Variants in SLC7A5 observed in about 807,000 individuals in gnomAD.
SLC7A5 encodes the protein large neutral amino acids transporter small subunit 1.
SLC7A5 carries 23 observed loss-of-function variants against 50.2 expected under a neutral mutation model. That is an observed-to-expected ratio of 0.46 (90% confidence interval 0.33 to 0.65). The LOEUF is 0.65. Among genes scored for constraint, SLC7A5 ranks in the 30% least tolerant of loss-of-function variants. The pLI is 0.02. For synonymous variants in SLC7A5, 393 were observed against 330.6 expected (o/e 1.19, Z -2.05); for missense variants, 578 against 684.4 (o/e 0.84, Z 1.73).
At chr16:87,845,431 C>T (rs568316900) in intron 2 of SLC7A5, among the ~76,000 whole-genome samples, 21 of 151,810 alleles carry the variant, frequency 1.4e-4, no homozygotes, top group Non-Finnish European at 2.5e-4. Flanking sequence ...ACAGAGTCCA[C>T]GCCCACCCCA....
chr16:87,859,624 C>T lies in SLC7A5; in HGVS notation c.539-7775G>A, dbSNP rs554843056. Among the ~76,000 whole-genome samples, 9 of 152,256 alleles carry T rather than the reference C, an allele frequency of 5.9e-5. 1 individual carries two copies. The South Asian group carries it at 1.9e-3, about 32-fold the overall frequency. ...ACCCCCTCCCTCTGGAATTCAGGTA[C>T]AGCGGACCAGCACTAACACTCAAAC... On this transcript the variant is annotated intron_variant, in intron 1 of 9. Transcript: ENST00000261622.
intron 2 of SLC7A5, among the ~76,000 whole-genome samples, chr16:87,850,502 G>C (rs1314657523): frequency 1.3e-5 from 2 of 152,224 alleles, no homozygotes; most frequent in Non-Finnish European, 1.5e-5. Flanking sequence ...CGAGTCACCA[G>C]AGCGTGCATC....
rs748951578 is a variant in SLC7A5, at chr16:87,836,611, T to C, written c.1177A>G (p.Ile393Val). The part of the protein sequence containing the change: ...MTLLYAFSKD[I>V]FSVINFFSFF... ...CTGAAGAAGTTGATGACGGAGAAGA[T>C]GTCCTTGGAGAAGGCGTAGAGCAGC... The change falls in exon 8 of 10, where the codon ATC (isoleucine) becomes GTC (valine). Residue 393 changes from isoleucine to valine, a missense_variant. By Grantham distance (29) the Ile-to-Val change is conservative. Coordinates refer to ENST00000261622, the MANE Select transcript of SLC7A5 (RefSeq NM_003486.7). 17 of 1,613,404 alleles carry C rather than the reference T, an allele frequency of 1.1e-5. No homozygotes were observed. In the South Asian group the frequency reaches 1.9e-4, roughly 18 times the overall value.
intron 1 of SLC7A5, among the ~76,000 whole-genome samples, chr16:87,868,133 A>G (rs1020476365): frequency 1.8e-5 from 2 of 108,460 alleles, no homozygotes; most frequent in African/African-American, 9.9e-5. Context: ...AAAAAAAAAA[A>G]GAAAGAAAAA....
At chr16:87,868,132 A>G (rs867280291) in intron 1 of SLC7A5, among the ~76,000 whole-genome samples, 2,298 of 148,976 alleles carry the variant, frequency 0.015, 73 homozygotes, top group African/African-American at 0.055. Context: ...AAAAAAAAAA[A>G]AGAAAGAAAA....
intron 8 of SLC7A5, among the ~76,000 whole-genome samples, chr16:87,835,703 T>C (rs2054992625): frequency 6.6e-6 from 1 of 152,152 alleles, no homozygotes; most frequent in Non-Finnish European, 1.5e-5. Flanking sequence ...CTCTATCTCC[T>C]GACTTTGTGA....
rs561750229 is a variant in SLC7A5, at chr16:87,866,780, A to C, written c.538+2105T>G. On this transcript the variant is annotated intron_variant, in intron 1 of 9. Coordinates refer to ENST00000261622, the MANE Select transcript of SLC7A5 (RefSeq NM_003486.7). ...AGTGCCTGGCTGGTTTGAATTTTTA[A>C]ATGATGATGAATTCATGTATGACTG... is the stretch of plus-strand genomic sequence containing the variant. Among the ~76,000 whole-genome samples the C allele has an allele frequency of 6.3e-4, 96 of 151,508 alleles. No individual in the cohort carries two copies. In the Middle Eastern group the frequency reaches 0.014, roughly 22 times the overall value.
intron 4 of SLC7A5, 62 bp downstream of exon 4, chr16:87,840,367 G>T: frequency 7.1e-7 from 1 of 1,415,252 alleles, no homozygotes; most frequent in Non-Finnish European, 1.0e-6. Flanking sequence ...GTGGAATGTG[G>T]CTGCTTCCTG....
Position 87,837,878 on chromosome 16 carries a change from C to T in SLC7A5, c.1107G>A (p.Gln369=). The T allele has an allele frequency of 6.2e-7, 1 of 1,608,184 alleles. No homozygotes were observed. The highest frequency in any genetic ancestry group is 8.5e-7 in the Non-Finnish European group (1 of 1,178,350). Residue 369 remains glutamine, a synonymous_variant, in exon 7 of 10, where the codon CAG becomes CAA. Transcript: ENST00000261622. ...LPSILSMIHP[Q]LLTPVPSLVF... ...CGAGGGACGGCACGGGGGTGAGGAG[C>T]TGTGGGTGGATCATGGAGAGGATGG... is the stretch of plus-strand genomic sequence containing the variant.
rs2143699818 is a variant in SLC7A5, at chr16:87,833,871, T to G, written c.1468+543A>C. On this transcript the variant is annotated intron_variant, in intron 9 of 9. Coordinates refer to ENST00000261622, the MANE Select transcript of SLC7A5 (RefSeq NM_003486.7). This position sits in a 1 kb window ranked among gnomAD's most constrained non-coding sequence, Gnocchi z 6.0. ...TCTCCTTCTGCCTTTTTTTTTTTTT[T>G]TGAGAAGAGTCTCGCTCTGTCGCCC... Among the ~76,000 whole-genome samples the G allele has an allele frequency of 6.6e-6, 1 of 151,538 alleles. No individual in the cohort carries two copies. The highest frequency in any genetic ancestry group is 1.5e-5 in the Non-Finnish European group (1 of 67,722).
At chr16:87,845,405 A>G (rs568843968) in intron 2 of SLC7A5, among the ~76,000 whole-genome samples, 8 of 152,126 alleles carry the variant, frequency 5.3e-5, no homozygotes, top group Non-Finnish European at 5.9e-5. Context: ...CCCAGGCCAG[A>G]GTCCATGCCC....
In SLC7A5 at chr16:87,837,877, G is replaced by C. The variant is rs146945563; in HGVS notation, c.1108C>G (p.Leu370Val). 4.3e-4 allele frequency: 685 copies of C among 1,608,060 alleles called. 2 individuals carry two copies. The highest frequency in any genetic ancestry group is 5.2e-4 in the Non-Finnish European group (618 of 1,178,370). The change falls in exon 7 of 10, where the codon CTC (leucine) becomes GTC (valine). Residue 370 changes from leucine (L) to valine (V), a missense_variant. Coordinates refer to ENST00000261622, the MANE Select transcript of SLC7A5 (RefSeq NM_003486.7). Reference sequence around the variant, plus strand: ...ACGAGGGACGGCACGGGGGTGAGGAGCTGTGGGTGGATCATGGAGAGGATG... The same window carrying C: ...ACGAGGGACGGCACGGGGGTGAGGACCTGTGGGTGGATCATGGAGAGGATG... ...PSILSMIHPQ[L>V]LTPVPSLVFT...
chr16:87,851,860 A>G lies in SLC7A5; in HGVS notation c.539-11T>C. 1.2e-6 allele frequency: 2 copies of G among 1,612,740 alleles called. No individual in the cohort carries two copies. The highest frequency in any genetic ancestry group is 1.7e-6 in the Non-Finnish European group (2 of 1,179,940). On this transcript the variant is annotated splice_polypyrimidine_tract_variant and intron_variant, in intron 1 of 9. Transcript: ENST00000261622. The stretch of plus-strand genomic sequence containing the variant: ...CGGCCGTGAGCAGCACTGTGGAGAC[A>G]GAGGGCAGCGGTGAGTTCCACGGGC...
chr16:87,840,329 C>A, intron 4 of SLC7A5, 100 bp downstream of exon 4: 2 of 1,107,702 alleles, frequency 1.8e-6, no homozygotes, highest in South Asian at 2.5e-5. Context: ...CGACTGTGAA[C>A]TGGCCTGAGC....
intron 2 of SLC7A5, among the ~76,000 whole-genome samples, chr16:87,847,254 T>A (rs1238589852): frequency 6.6e-6 from 1 of 152,094 alleles, no homozygotes; most frequent in Non-Finnish European, 1.5e-5. Context: ...GGTGAAACGT[T>A]TTTCTCACCA....
rs1284562266 is a variant in SLC7A5, at chr16:87,832,709, A to C, written c.*261T>G. 8 of 338,296 alleles carry C rather than the reference A, an allele frequency of 2.4e-5. No homozygotes were observed. The South Asian group carries it at 2.6e-4, about 11-fold the overall frequency. 21.0% of individuals were successfully genotyped at this position (338,296 alleles called of 1,614,324 possible). On this transcript the variant is annotated 3_prime_UTR_variant, in exon 10 of 10. Coordinates refer to ENST00000261622, the MANE Select transcript of SLC7A5 (RefSeq NM_003486.7). This position sits in a 1 kb window ranked among gnomAD's most constrained non-coding sequence, Gnocchi z 4.6. The stretch of plus-strand genomic sequence containing the variant: ...ATATATATAAGTAAACAAAGGAGGG[A>C]AGGGAAAAAGGGCCCAAGGAGACCA...
chr16:87,854,044 T>C (rs1303387013), intron 1 of SLC7A5: 1 of 144,310 alleles, frequency 6.9e-6, no homozygotes, highest in Non-Finnish European at 1.5e-5. Flanking sequence ...GCTGTCACTG[T>C]GGGTGGGACA....
At position 87,836,645 on chromosome 16, in the gene SLC7A5, A is replaced by G. The variant is rs1336862817; in HGVS notation, c.1143T>C (p.Cys381=). The G allele has an allele frequency of 1.9e-6, 3 of 1,612,340 alleles. No homozygotes were observed. Among genetic ancestry groups the G allele is most frequent in the Non-Finnish European group, 1.7e-6 (2 of 1,179,998 alleles). Residue 381 remains cysteine (C), a splice_region_variant and synonymous_variant, in exon 8 of 10, where the codon TGT becomes TGC. Transcript: ENST00000261622. The stretch of plus-strand genomic sequence containing the variant: ...AGAAGGCGTAGAGCAGCGTCATCAC[A>G]CACTGGAAGAGAGAGGCGGCTGGCT... ...LTPVPSLVFT[C]VMTLLYAFSK... is the part of the protein sequence containing the mutation.
At chr16:87,848,827 C>G (rs112570731) in intron 2 of SLC7A5, among the ~76,000 whole-genome samples, 4,141 of 152,352 alleles carry the variant, frequency 0.027, 87 homozygotes, top group Middle Eastern at 0.054. Flanking sequence ...TGGGACCCGG[C>G]ATAGATGCGG....
Sources: allele counts gnomAD v4.1 joint callset (sites outside exome capture counted in the v4.1 genomes callset), GRCh38; gene constraint gnomAD v4.1.1; non-coding constraint Gnocchi (gnomAD v3.1); transcripts MANE v1.5; gene names NCBI Gene and HGNC (gene_info 2026-07-23, HGNC 2026-07-21).